ADARB2: variants seen among roughly 807,000 people sequenced by gnomAD.
ADARB2 encodes the protein inactive double-stranded RNA-specific editase B2.
Under a neutral mutation model 62.2 loss-of-function variants are expected in ADARB2, and 25 were observed. That is an observed-to-expected ratio of 0.40 (90% CI 0.29 to 0.56). ADARB2 has a LOEUF of 0.56. Ranked by LOEUF, ADARB2 falls within the 20% of genes least tolerant of loss-of-function variation. ADARB2 has a pLI of 0.43. For synonymous variants in ADARB2, 572 were observed against 500.8 expected (o/e 1.14, Z -1.90); for missense variants, 1,071 against 1,077.4 (o/e 0.99, Z 0.08).
intron 1 of ADARB2, among the ~76,000 whole-genome samples, chr10:1,695,761 T>C (rs7072636): frequency 0.12 from 18,375 of 152,154 alleles, 1,218 homozygotes; most frequent in Non-Finnish European, 0.15. Flanking sequence ...GAAACATGCA[T>C]GTGTAGGTGT....
At chr10:1,628,163 G>C (rs1833795354) in intron 1 of ADARB2, among the ~76,000 whole-genome samples, 1 of 152,250 alleles carries the variant, frequency 6.6e-6, no homozygotes, top group Admixed American at 6.5e-5. Flanking sequence ...GGGCGGCGAT[G>C]CATTGCCTGC....
intron 3 of ADARB2, among the ~76,000 whole-genome samples, chr10:1,311,397 TG>T (rs1401232150): frequency 6.6e-6 from 1 of 152,202 alleles, no homozygotes. Context: ...AAGCGTCTCC[TG>T]GTTTGGTAAC....
chr10:1,395,575 CCCAG>C (rs1832604911), intron 1 of ADARB2, among the ~76,000 whole-genome samples: 1 of 152,220 alleles, frequency 6.6e-6, no homozygotes, highest in Non-Finnish European at 1.5e-5. Context: ...TCCCTGAGGG[CCCAG>C]GCTGCCTCCT....
At position 1,242,159 on chromosome 10, in the gene ADARB2, G is replaced by A. The variant is rs778114818; in HGVS notation, c.1333C>T (p.Leu445Phe). The A allele has an allele frequency of 6.2e-7, 1 of 1,610,014 alleles. No individual in the cohort carries two copies. The highest frequency in any genetic ancestry group is 2.2e-5 in the East Asian group (1 of 44,808). Residue 445 changes from leucine to phenylalanine, a missense_variant, in exon 5 of 10, where the codon CTC (leucine) becomes TTC (phenylalanine). Leu to Phe is a conservative substitution (Grantham distance 22). Transcript: ENST00000381312. Reference sequence around the variant, plus strand: ...AGGTGCAGCTCCAGCTGCGTGTAGAGGAAGTGCAGGAACGCCCGCCGGGCC... The same window carrying A: ...AGGTGCAGCTCCAGCTGCGTGTAGAAGAAGTGCAGGAACGCCCGCCGGGCC... ...VVARRAFLHF[L>F]YTQLELHLSK...
intron 1 of ADARB2, among the ~76,000 whole-genome samples, chr10:1,510,121 T>TTTCTTTCTTTCTTTC (rs1831912093): frequency 2.6e-5 from 3 of 115,680 alleles, no homozygotes; most frequent in African/African-American, 1.1e-4. Flanking sequence ...TCTTTCTTTC[T>TTTCTTTCTTTCTTTC]TTCTTTCTTT....
chr10:1,657,319 C>G (rs543700138), intron 1 of ADARB2, among the ~76,000 whole-genome samples: 3 of 152,276 alleles, frequency 2.0e-5, no homozygotes, highest in African/African-American at 7.2e-5. Context: ...TTGCTCATTG[C>G]ACACAGGAAG....
intron 4 of ADARB2, among the ~76,000 whole-genome samples, chr10:1,267,555 C>T (rs1308768003): frequency 1.3e-5 from 2 of 152,164 alleles, no homozygotes; most frequent in Non-Finnish European, 1.5e-5. Flanking sequence ...TGAGATGCTT[C>T]CATAGAAGCC....
chr10:1,425,703 T>A (rs1478767665), intron 1 of ADARB2, among the ~76,000 whole-genome samples: 1 of 152,256 alleles, frequency 6.6e-6, no homozygotes, highest in African/African-American at 2.4e-5. Context: ...CCTGGCTCAG[T>A]AACCCTTCAG....
intron 1 of ADARB2, among the ~76,000 whole-genome samples, chr10:1,642,496 A>G (rs954019097): frequency 6.6e-6 from 1 of 152,208 alleles, no homozygotes; most frequent in Non-Finnish European, 1.5e-5. Flanking sequence ...AGTATTTCCC[A>G]GTTGTTATGG....
intron 1 of ADARB2, among the ~76,000 whole-genome samples, chr10:1,725,317 C>A (rs951307324): frequency 6.6e-6 from 1 of 152,222 alleles, no homozygotes; most frequent in African/African-American, 2.4e-5. Flanking sequence ...GGCACACACG[C>A]GGTTCTATTT....
intron 1 of ADARB2, among the ~76,000 whole-genome samples, chr10:1,379,529 T>A (rs1832464145): frequency 6.6e-6 from 1 of 152,182 alleles, no homozygotes; most frequent in South Asian, 2.1e-4. Flanking sequence ...CTAAAACAAG[T>A]AAAACAATCT....
At chr10:1,647,582 T>C (rs111071595) in intron 1 of ADARB2, among the ~76,000 whole-genome samples, 4,140 of 152,192 alleles carry the variant, frequency 0.027, 118 homozygotes, top group East Asian at 0.077. Flanking sequence ...TATGTGTGTG[T>C]ATAGTGTGTG....
At chr10:1,676,785 A>AT (rs11386780) in intron 1 of ADARB2, among the ~76,000 whole-genome samples, 134,101 of 152,028 alleles carry the variant, frequency 0.88, 59,320 homozygotes, top group South Asian at 0.93. Context: ...ATTCATTTTA[A>AT]TTTTTTTTAA....
intron 4 of ADARB2, among the ~76,000 whole-genome samples, chr10:1,257,057 G>A (rs550458638): frequency 7.9e-5 from 12 of 152,320 alleles, no homozygotes; most frequent in African/African-American, 2.4e-4. Flanking sequence ...GTATGCTTTT[G>A]TTCTGTTTTT....
At chr10:1,592,436 ACCCAGCTACCCTCG>A (rs1294450543) in intron 1 of ADARB2, among the ~76,000 whole-genome samples, 11 of 23,518 alleles carry the variant, frequency 4.7e-4, no homozygotes, top group African/African-American at 9.8e-4. Context: ...CCCCTCTGTC[ACCCAGCTACCCTCG>A]CCCAAGCCAC....
chr10:1,697,788 G>A (rs1055543956), intron 1 of ADARB2, among the ~76,000 whole-genome samples: 4 of 152,098 alleles, frequency 2.6e-5, no homozygotes, highest in African/African-American at 9.7e-5. Context: ...AGCCCTGATG[G>A]AATTCTTCAG....
intron 1 of ADARB2, among the ~76,000 whole-genome samples, chr10:1,721,331 T>C (rs748764785): frequency 1.3e-5 from 2 of 152,258 alleles, no homozygotes; most frequent in Non-Finnish European, 2.9e-5. Context: ...AAACGAATGT[T>C]GACGTTGACA....
At chr10:1,650,345 T>G (rs1221016382) in intron 1 of ADARB2, among the ~76,000 whole-genome samples, 10 of 152,154 alleles carry the variant, frequency 6.6e-5, no homozygotes, top group Non-Finnish European at 1.5e-4. Context: ...GTGTTTTGAG[T>G]AGGTCAGCAT....
At chr10:1,461,537 C>A (rs1004879677) in intron 1 of ADARB2, among the ~76,000 whole-genome samples, 1 of 151,830 alleles carries the variant, frequency 6.6e-6, no homozygotes, top group Non-Finnish European at 1.5e-5. Flanking sequence ...AAGAAATTTG[C>A]CCTGGTCAGA....
Sources: allele counts gnomAD v4.1 joint callset (sites outside exome capture counted in the v4.1 genomes callset), GRCh38; gene constraint gnomAD v4.1.1; transcripts MANE v1.5; gene names NCBI Gene and HGNC (gene_info 2026-07-23, HGNC 2026-07-21).